The following MTMR9 variants were observed in gnomAD, a reference collection of about 807,000 sequenced individuals.
MTMR9 encodes myotubularin-related protein 9.
Under a neutral mutation model 69.5 loss-of-function variants are expected in MTMR9, and 39 were observed. The observed-to-expected ratio is 0.56, with a 90% CI of 0.43 to 0.73. The LOEUF (loss-of-function observed/expected upper bound fraction) is 0.73. Among genes scored for constraint, MTMR9 ranks in the 30% least tolerant of loss-of-function variants. MTMR9 has a pLI of 0.00. For missense variants in MTMR9, 900 were observed against 671.2 expected (o/e 1.34, Z -3.77); for synonymous variants, 354 against 240.8 (o/e 1.47, Z -4.35).
At chr8:11,285,347 C>A (rs757542584) in intron 1 of MTMR9, 3 of 339,200 alleles carry the variant, frequency 8.8e-6, no homozygotes, top group Non-Finnish European at 1.6e-5. Context: ...GGATTTTCGG[C>A]ATTGTCTTTA....
Position 11,322,805 on chromosome 8 carries a change from C to T in MTMR9, c.*17C>T. ...AGTCCCTGAAAGGTCTCCTCGCACC[C>T]TTCGCAAGGACCTTCTTGGGCCTGT... On this transcript the variant is annotated 3_prime_UTR_variant, in exon 10 of 10. Coordinates refer to ENST00000221086, the MANE Select transcript of MTMR9 (RefSeq NM_015458.4). 1 of 1,604,424 alleles carries T rather than the reference C, an allele frequency of 6.2e-7. No homozygotes were observed. The highest frequency in any genetic ancestry group is 1.7e-5 in the Admixed American group (1 of 58,386).
intron 1 of MTMR9, among the ~76,000 whole-genome samples, chr8:11,286,549 C>G (rs1799164344): frequency 6.6e-6 from 1 of 151,372 alleles, no homozygotes; most frequent in South Asian, 2.1e-4. Context: ...GCCTGTAATC[C>G]CAGTTACTCA....
chr8:11,330,813 A>G (rs547547484), downstream of MTMR9: 273 of 488,032 alleles, frequency 5.6e-4, 1 homozygote, highest in African/African-American at 4.7e-3. Flanking sequence ...TAGGAAAACC[A>G]GAGACCTTTG....
the MTMR9 span, among the ~76,000 whole-genome samples, chr8:11,335,083 T>G: frequency 6.6e-6 from 1 of 152,120 alleles, no homozygotes; most frequent in Non-Finnish European, 1.5e-5. Context: ...ACTAATGCAA[T>G]GAGACAGAAA....
At chr8:11,330,122 C>A (rs562778706), downstream of MTMR9, among the ~76,000 whole-genome samples, 209 of 151,810 alleles carry the variant, frequency 1.4e-3, 1 homozygote, top group African/African-American at 4.9e-3. Flanking sequence ...CAGCCCCCGC[C>A]CGGCCAGCAG....
chr8:11,338,197 A>G, the MTMR9 span, among the ~76,000 whole-genome samples: 1 of 152,216 alleles, frequency 6.6e-6, no homozygotes, highest in East Asian at 1.9e-4. Context: ...TGAAGTGGGG[A>G]TGCCAGAACT....
At chr8:11,293,981 T>A (rs1354178628) in intron 1 of MTMR9, among the ~76,000 whole-genome samples, 1 of 152,234 alleles carries the variant, frequency 6.6e-6, no homozygotes, top group African/African-American at 2.4e-5. Flanking sequence ...GTGTTAGCCA[T>A]ACCACTTTGT....
intron 3 of MTMR9, 87 bp from the exon 4 acceptor site, chr8:11,304,754 T>A (rs1799877382): frequency 7.5e-7 from 1 of 1,335,460 alleles, no homozygotes. Flanking sequence ...TCAGTGAAAG[T>A]TGACCTCTAA....
chr8:11,315,198 C>A, intron 7 of MTMR9, 134 bp downstream of exon 7: 1 of 1,077,962 alleles, frequency 9.3e-7, no homozygotes, highest in Non-Finnish European at 1.4e-6. Context: ...TACTGCAGGA[C>A]AGTTAATCTG....
At chr8:11,334,146 C>G in the MTMR9 span, among the ~76,000 whole-genome samples, 1 of 152,090 alleles carries the variant, frequency 6.6e-6, no homozygotes, top group Non-Finnish European at 1.5e-5. Flanking sequence ...GAGCCTTGAG[C>G]CAGATAAACT....
chr8:11,319,096 T>TC (rs1800551146), intron 8 of MTMR9: 1 of 149,518 alleles, frequency 6.7e-6, no homozygotes, highest in Non-Finnish European at 1.5e-5. Context: ...AAAATTAAAA[T>TC]AAAAAATTAA....
Position 11,306,335 on chromosome 8 carries a change from G to C in MTMR9, c.737G>C (p.Arg246Thr). ...TRSLNVAQQTRAKGGGFEQEA... is the reference protein window; with the variant it reads ...TRSLNVAQQTTAKGGGFEQEA... ...TCCCTGAACGTGGCTCAGCAAACTA[G>C]AGCCAAAGGAGGTGGCTTTGAACAA... The change falls in exon 5 of 10, where the codon AGA becomes ACA. Residue 246 changes from arginine (R) to threonine (T), a missense_variant. Transcript: ENST00000221086. 6.2e-7 allele frequency: 1 copy of C among 1,614,052 alleles called. No individual in the cohort carries two copies. Among genetic ancestry groups the C allele is most frequent in the Admixed American group, 1.7e-5 (1 of 59,990 alleles).
chr8:11,286,281 C>T (rs956799048), intron 1 of MTMR9, among the ~76,000 whole-genome samples: 38 of 151,660 alleles, frequency 2.5e-4, no homozygotes, highest in African/African-American at 8.5e-4. Flanking sequence ...GGTAGAATTG[C>T]AGGCAGTTTG....
chr8:11,336,675 G>C, the MTMR9 span, among the ~76,000 whole-genome samples: 7 of 152,310 alleles, frequency 4.6e-5, no homozygotes, highest in African/African-American at 1.4e-4. Context: ...GAATATTTCT[G>C]CTCGACAGGT....
rs144648924 is a variant in MTMR9 at position 11,314,316 on chromosome 8, C to T, written c.972-607C>T. 8.5e-4 allele frequency among the ~76,000 whole-genome samples: 129 copies of T among 152,306 alleles called. 1 individual carries two copies. The highest frequency in any genetic ancestry group is 2.9e-3 in the African/African-American group (122 of 41,554). ...CTCTTTAGAATAATGGGGTCCCAGA[C>T]ACTTCTGAGTCTCATGATGCAGTGG... is the stretch of plus-strand genomic sequence containing the variant. On this transcript the variant is annotated intron_variant, in intron 6 of 9. Coordinates refer to ENST00000221086, the MANE Select transcript of MTMR9 (RefSeq NM_015458.4).
chr8:11,289,908 T>C (rs1799319508), intron 1 of MTMR9, among the ~76,000 whole-genome samples: 2 of 152,202 alleles, frequency 1.3e-5, no homozygotes, highest in South Asian at 4.1e-4. Context: ...CTCCCTGCTA[T>C]CACAAACAAC....
intron 2 of MTMR9, 62 bp from the exon 3 acceptor site, chr8:11,299,961 G>T: frequency 6.4e-7 from 1 of 1,568,160 alleles, no homozygotes; most frequent in Non-Finnish European, 8.6e-7. Context: ...TAATTTGTCA[G>T]TTAGAATATG....
chr8:11,298,726 C>CT (rs1031233620), intron 2 of MTMR9: 1 of 912,384 alleles, frequency 1.1e-6, no homozygotes, highest in Non-Finnish European at 1.3e-6. Flanking sequence ...CTGCACCCCC[C>CT]CCCCGCCATC....
downstream of MTMR9, among the ~76,000 whole-genome samples, chr8:11,332,443 A>C (rs1261112671): frequency 6.6e-6 from 1 of 152,136 alleles, no homozygotes; most frequent in African/African-American, 2.4e-5. Flanking sequence ...AAGACAACTA[A>C]ATGAAATCAG....
Sources: allele counts gnomAD v4.1 joint callset (sites outside exome capture counted in the v4.1 genomes callset), GRCh38; gene constraint gnomAD v4.1.1; transcripts MANE v1.5; gene names NCBI Gene and HGNC (gene_info 2026-07-23, HGNC 2026-07-21).